Variants in ARHGEF28 observed in about 807,000 individuals in gnomAD.
ARHGEF28 encodes the protein 190 kDa guanine nucleotide exchange factor.
ARHGEF28 carries 152 observed loss-of-function variants against 206.6 expected under a neutral mutation model. The observed-to-expected ratio is 0.74, with a 90% confidence interval of 0.64 to 0.84. The LOEUF is 0.84. Among genes scored for constraint, ARHGEF28 ranks in the 40% least tolerant of loss-of-function variants. The probability of loss-of-function intolerance (pLI) is 0.00; values close to 1 mark genes in which losing one functional copy is unlikely to be tolerated. For missense variants in ARHGEF28, 2,028 were observed against 2,073.2 expected (o/e 0.98, Z 0.42); for synonymous variants, 763 against 776.4 (o/e 0.98, Z 0.29).
chr5:73,772,895 T>G (rs565746673), intron 4 of ARHGEF28, among the ~76,000 whole-genome samples: 1 of 152,306 alleles, frequency 6.6e-6, no homozygotes, highest in African/African-American at 2.4e-5. Context: ...CCTGGAATAG[T>G]AAAATTGTGC....
At chr5:73,870,568 G>C (rs1760043666) in intron 21 of ARHGEF28, among the ~76,000 whole-genome samples, 1 of 152,164 alleles carries the variant, frequency 6.6e-6, no homozygotes, top group Non-Finnish European at 1.5e-5. Flanking sequence ...CCTCTTCTGT[G>C]TAAGAATTGC....
chr5:73,694,680 G>T (rs1748073530), intron 2 of ARHGEF28, among the ~76,000 whole-genome samples: 2 of 152,176 alleles, frequency 1.3e-5, no homozygotes, highest in Admixed American at 1.3e-4. Flanking sequence ...CCTGAGGAGG[G>T]TGTGCATGTT....
chr5:73,828,796 C>T (rs1757099481), intron 9 of ARHGEF28, among the ~76,000 whole-genome samples: 1 of 150,902 alleles, frequency 6.6e-6, no homozygotes, highest in African/African-American at 2.4e-5. Context: ...TTCCTTTCTT[C>T]CTTCCTTTCC....
At chr5:73,631,290 C>G (rs561299232) in intron 1 of ARHGEF28, among the ~76,000 whole-genome samples, 1 of 152,100 alleles carries the variant, frequency 6.6e-6, no homozygotes, top group Admixed American at 6.5e-5. Context: ...TGTCTTTTCC[C>G]ACTAAGACCC....
At chr5:73,756,753 T>G (rs1752334778) in intron 4 of ARHGEF28, among the ~76,000 whole-genome samples, 1 of 152,236 alleles carries the variant, frequency 6.6e-6, no homozygotes, top group African/African-American at 2.4e-5. Context: ...GGCATTTAGA[T>G]GAATAGATTC....
Position 73,901,126 on chromosome 5 carries a change from G to T in ARHGEF28, c.3974-58G>T, listed in dbSNP as rs1762243620. On this transcript the variant is annotated intron_variant, in intron 30 of 35. Transcript: ENST00000513042. The stretch of plus-strand genomic sequence containing the variant: ...TTGGCCGTGTACAGAAGAACCCGGT[G>T]GGCTGGCCGATGTTTGACGCTGTCC... 6 of 1,417,636 alleles carry T rather than the reference G, an allele frequency of 4.2e-6. No individual in the cohort carries two copies. In the South Asian group the frequency reaches 7.3e-5, roughly 17 times the overall value. 87.8% of individuals were successfully genotyped at this position (1,417,636 alleles called of 1,614,324 possible).
chr5:73,819,831 A>G (rs779530010), intron 9 of ARHGEF28, among the ~76,000 whole-genome samples: 24 of 152,114 alleles, frequency 1.6e-4, no homozygotes, highest in Non-Finnish European at 8.8e-5. Flanking sequence ...CCCACTTTTA[A>G]CTATTAATCT....
At chr5:73,847,119 T>C (rs1303829201) in intron 12 of ARHGEF28, among the ~76,000 whole-genome samples, 1 of 152,178 alleles carries the variant, frequency 6.6e-6, no homozygotes, top group African/African-American at 2.4e-5. Context: ...AGATTTTTTT[T>C]CCCTGTTTGA....
intron 35 of ARHGEF28, among the ~76,000 whole-genome samples, chr5:73,914,545 C>T (rs111711767): frequency 0.054 from 8,164 of 151,368 alleles, 651 homozygotes; most frequent in African/African-American, 0.18. Flanking sequence ...TACAGGTGCC[C>T]GCCATCACAC....
intron 13 of ARHGEF28, among the ~76,000 whole-genome samples, chr5:73,851,415 T>C (rs2112598684): frequency 6.6e-6 from 1 of 152,178 alleles, no homozygotes; most frequent in East Asian, 1.9e-4. Context: ...TCTTTTTTTT[T>C]TTTTTGAGCC....
At chr5:73,839,147 G>A (rs763806173) in intron 10 of ARHGEF28, among the ~76,000 whole-genome samples, 2 of 152,198 alleles carry the variant, frequency 1.3e-5, no homozygotes, top group African/African-American at 4.8e-5. Flanking sequence ...TTCTCAGTGA[G>A]TTGTATCAGA....
chr5:73,730,240 G>A (rs1750526386), intron 2 of ARHGEF28, among the ~76,000 whole-genome samples: 1 of 152,108 alleles, frequency 6.6e-6, no homozygotes, highest in African/African-American at 2.4e-5. Flanking sequence ...ATAGTAAACT[G>A]TCCCAGTCAG....
rs369851573 is a variant in ARHGEF28 at position 73,741,341 on chromosome 5, ATGTGTGTG to A, written c.34-8458_34-8451del. ...AAAGTCGTCTAGATTTTAAATTTAT[ATGTGTGTG>A]TGTGTGTGTGTGTGTGTGTGTGTGT... On this transcript the variant is annotated intron_variant, in intron 2 of 35. Transcript: ENST00000513042. Among the ~76,000 whole-genome samples the A allele has an allele frequency of 2.6e-3, 175 of 66,090 alleles. 1 individual carries two copies. Among genetic ancestry groups the A allele is most frequent in the Middle Eastern group, 0.016 (2 of 124 alleles). 43.4% of individuals were successfully genotyped at this position (66,090 alleles called of 152,430 possible).
chr5:73,882,722 G>A, intron 23 of ARHGEF28, 128 bp downstream of exon 23: 1 of 907,508 alleles, frequency 1.1e-6, no homozygotes, highest in Non-Finnish European at 1.6e-6. Context: ...AAGGGAGGTG[G>A]AATGTTTGTG....
chr5:73,644,979 CTGTG>C (rs143480828), intron 1 of ARHGEF28, among the ~76,000 whole-genome samples: 2,216 of 152,248 alleles, frequency 0.015, 62 homozygotes, highest in African/African-American at 0.051. Flanking sequence ...GGAGTTTCTT[CTGTG>C]TAAGAAAATA....
chr5:73,842,987 TA>T (rs35222956), intron 11 of ARHGEF28, among the ~76,000 whole-genome samples: 52,834 of 130,642 alleles, frequency 0.4, 11,088 homozygotes, highest in African/African-American at 0.61. Flanking sequence ...ACTCTGTCTT[TA>T]AAAAAAAAAA....
At chr5:73,889,237 A>G (rs923827393) in intron 26 of ARHGEF28, among the ~76,000 whole-genome samples, 1 of 152,246 alleles carries the variant, frequency 6.6e-6, no homozygotes, top group African/African-American at 2.4e-5. Flanking sequence ...TGCCCTTTAG[A>G]AAACACTTCT....
intron 35 of ARHGEF28, among the ~76,000 whole-genome samples, chr5:73,924,457 G>A (rs947773753): frequency 6.6e-6 from 1 of 152,164 alleles, no homozygotes; most frequent in Non-Finnish European, 1.5e-5. Flanking sequence ...AAAACAATGT[G>A]TGTACAACTC....
rs1361926811 is a variant in ARHGEF28, at chr5:73,707,241, G to A, written c.33+22357G>A. Among the ~76,000 whole-genome samples, 7 of 152,192 alleles carry A rather than the reference G, an allele frequency of 4.6e-5. No homozygotes were observed. In the East Asian group the frequency reaches 1.2e-3, roughly 25 times the overall value. ...GCTCTTCCTGGCTGGTCTCATAGCT[G>A]CCTGTGACCAGAGCAGAGAGGCAAA... On this transcript the variant is annotated intron_variant, in intron 2 of 35. Transcript: ENST00000513042.
Sources: gnomAD v4.1 joint callset for allele counts (sites outside exome capture counted in the v4.1 genomes callset) on GRCh38, gnomAD v4.1.1 for gene constraint, MANE v1.5 for transcripts, NCBI Gene and HGNC (gene_info 2026-07-23, HGNC 2026-07-21) for gene names.